The following SYNPR variants were observed in gnomAD, a reference collection of about 807,000 sequenced individuals.
SYNPR encodes the protein synaptoporin.
SYNPR carries 23 observed loss-of-function variants against 32.9 expected under a neutral mutation model. The ratio of observed to expected loss-of-function variants is 0.70; its 90% confidence interval spans 0.50 to 0.99. SYNPR has a LOEUF of 0.99. Among genes scored for constraint, SYNPR ranks in the 50% least tolerant of loss-of-function variants. The probability of loss-of-function intolerance (pLI) is 0.00; values close to 1 mark genes in which losing one functional copy is unlikely to be tolerated. For missense variants in SYNPR, 318 were observed against 349.3 expected, an observed-to-expected ratio of 0.91 and a Z score of 0.71; for synonymous variants, 146 against 135.9, an observed-to-expected ratio of 1.07 and a Z score of -0.52.
chr3:63,317,498 T>C (rs993533003), intron 2 of SYNPR, among the ~76,000 whole-genome samples: 1 of 152,078 alleles, frequency 6.6e-6, no homozygotes, highest in African/African-American at 2.4e-5. Flanking sequence ...TCCCTTTGTT[T>C]ATTTTAACTG....
intron 2 of SYNPR, among the ~76,000 whole-genome samples, chr3:63,353,188 C>A (rs894520862): frequency 6.6e-6 from 1 of 152,192 alleles, no homozygotes; most frequent in African/African-American, 2.4e-5. Flanking sequence ...AAGTGCCAGG[C>A]AGTGTGCAAG....
intron 4 of SYNPR, among the ~76,000 whole-genome samples, chr3:63,567,493 T>C (rs1339139517): frequency 1.3e-5 from 2 of 152,180 alleles, no homozygotes; most frequent in African/African-American, 2.4e-5. Context: ...GCTGAATTTA[T>C]TTCCTTGAAT....
chr3:63,225,149 A>G (rs1450767043), upstream of SYNPR, among the ~76,000 whole-genome samples: 1 of 152,180 alleles, frequency 6.6e-6, no homozygotes, highest in African/African-American at 2.4e-5. Context: ...TGTGAGATAA[A>G]ATGTTCCCAA....
intron 2 of SYNPR, among the ~76,000 whole-genome samples, chr3:63,332,879 C>T (rs943825807): frequency 6.6e-6 from 1 of 152,054 alleles, no homozygotes; most frequent in African/African-American, 2.4e-5. Flanking sequence ...CTGCCTGGTC[C>T]CTTGGTTTGG....
At chr3:63,335,805 C>CTTTTA (rs1553869749) in intron 2 of SYNPR, among the ~76,000 whole-genome samples, 1 of 78,960 alleles carries the variant, frequency 1.3e-5, no homozygotes, top group Non-Finnish European at 2.5e-5. Context: ...CAGAGTTTTG[C>CTTTTA]TCTTGTTGCC....
intron 5 of SYNPR, among the ~76,000 whole-genome samples, chr3:63,612,868 TCCTCCCCTCCCCCAC>T (rs1485329184): frequency 1.3e-5 from 2 of 151,146 alleles, no homozygotes; most frequent in Non-Finnish European, 3.0e-5. Context: ...TGATAATTTT[TCCTCCCCTCCCCCAC>T]CCTCCCCTCC....
chr3:63,570,538 T>C (rs1190202090), intron 4 of SYNPR, among the ~76,000 whole-genome samples: 1 of 152,176 alleles, frequency 6.6e-6, no homozygotes, highest in Non-Finnish European at 1.5e-5. Flanking sequence ...ACTGAGCTGC[T>C]ACCTGCCACC....
chr3:63,325,693 C>T (rs573906175), intron 2 of SYNPR, among the ~76,000 whole-genome samples: 1 of 152,132 alleles, frequency 6.6e-6, no homozygotes, highest in African/African-American at 2.4e-5. Flanking sequence ...CCCCATTTGA[C>T]TCCTGGCTTA....
chr3:63,475,783 A>T (rs1700889832), intron 2 of SYNPR, among the ~76,000 whole-genome samples: 1 of 151,936 alleles, frequency 6.6e-6, no homozygotes, highest in Non-Finnish European at 1.5e-5. Context: ...CCCAGTTTTC[A>T]TTCCATCCTG....
chr3:63,355,193 G>A (rs2087560417), intron 2 of SYNPR, among the ~76,000 whole-genome samples: 1 of 151,842 alleles, frequency 6.6e-6, no homozygotes, highest in Non-Finnish European at 1.5e-5. Context: ...GGCAGAGAAT[G>A]GCTTCAGCCT....
chr3:63,484,013 G>A (rs1701097175), intron 3 of SYNPR, among the ~76,000 whole-genome samples: 1 of 152,072 alleles, frequency 6.6e-6, no homozygotes, highest in African/African-American at 2.4e-5. Flanking sequence ...TACATCAAAG[G>A]AAGCTACTTA....
At chr3:63,513,635 T>C (rs1228338393) in intron 3 of SYNPR, among the ~76,000 whole-genome samples, 1 of 152,100 alleles carries the variant, frequency 6.6e-6, no homozygotes, top group Admixed American at 6.6e-5. Context: ...CATAGGTAAT[T>C]TGAGGGAGAA....
intron 2 of SYNPR, among the ~76,000 whole-genome samples, chr3:63,337,488 T>C (rs181153122): frequency 7.2e-5 from 11 of 152,234 alleles, no homozygotes; most frequent in African/African-American, 2.6e-4. Context: ...TTGTCTACCA[T>C]ATAATAGAGC....
intron 3 of SYNPR, among the ~76,000 whole-genome samples, chr3:63,516,615 T>C (rs1265712357): frequency 6.6e-6 from 1 of 152,130 alleles, no homozygotes; most frequent in Non-Finnish European, 1.5e-5. Context: ...CAAATTAAGC[T>C]ATCAAGTAGC....
chr3:63,547,842 G>A (rs756501525), intron 3 of SYNPR, among the ~76,000 whole-genome samples: 58 of 152,104 alleles, frequency 3.8e-4, no homozygotes, highest in Non-Finnish European at 7.6e-4. Flanking sequence ...AAATTAACAT[G>A]CAATAACTTA....
intron 1 of SYNPR, among the ~76,000 whole-genome samples, chr3:63,232,147 A>G (rs950039910): frequency 1.3e-5 from 2 of 150,052 alleles, no homozygotes; most frequent in African/African-American, 4.9e-5. Context: ...GAGTTACTTC[A>G]TAAAGTTCTC....
intron 5 of SYNPR, among the ~76,000 whole-genome samples, chr3:63,613,104 C>T (rs796103282): frequency 5.8e-4 from 88 of 151,940 alleles, no homozygotes; most frequent in African/African-American, 2.1e-3. Context: ...TTCCAAGTAC[C>T]CCTTCTGAGT....
At chr3:63,226,942 C>T (rs371220680), upstream of SYNPR, among the ~76,000 whole-genome samples, 2 of 152,126 alleles carry the variant, frequency 1.3e-5, no homozygotes, top group East Asian at 1.9e-4. Flanking sequence ...GATCATCACA[C>T]ATCCTATGCA....
At chr3:63,580,589 G>C (rs547818920) in intron 4 of SYNPR, among the ~76,000 whole-genome samples, 1 of 152,238 alleles carries the variant, frequency 6.6e-6, no homozygotes, top group South Asian at 2.1e-4. Context: ...TGCCAAGCTA[G>C]TCAGATACAG....
Sources: gnomAD v4.1 joint callset for allele counts (sites outside exome capture counted in the v4.1 genomes callset) on GRCh38, gnomAD v4.1.1 for gene constraint, MANE v1.5 for transcripts, NCBI Gene and HGNC (gene_info 2026-07-23, HGNC 2026-07-21) for gene names.